SAMSN1: variants seen among roughly 807,000 people sequenced by gnomAD.
SAMSN1 encodes SAM domain, SH3 domain and nuclear localization signals 1.
In SAMSN1, 31 loss-of-function variants were observed where a neutral mutation model predicts 42.0. The ratio of observed to expected loss-of-function variants is 0.74; its 90% CI spans 0.55 to 1.00. The LOEUF is 1.00. Ranked by LOEUF, SAMSN1 falls within the 50% of genes least tolerant of loss-of-function variation. SAMSN1 has a pLI of 0.00. For synonymous variants in SAMSN1, 178 were observed against 151.9 expected (o/e 1.17, Z -1.26); for missense variants, 464 against 439.4 (o/e 1.06, Z -0.50).
chr21:14,604,072 G>A (rs1168075249), intron 5 of SAMSN1, among the ~76,000 whole-genome samples: 1 of 152,084 alleles, frequency 6.6e-6, no homozygotes, highest in Non-Finnish European at 1.5e-5. Flanking sequence ...TTAAGGGCTG[G>A]GACTAAATTA....
intron 1 of SAMSN1, among the ~76,000 whole-genome samples, chr21:14,643,888 G>A (rs572818256): frequency 7.2e-5 from 11 of 152,260 alleles, no homozygotes; most frequent in Middle Eastern, 3.4e-3. Context: ...GCCATCGTGC[G>A]GCATTGAACT....
Position 14,582,524 on chromosome 21 carries a change from A to T in SAMSN1, c.-92-36T>A, listed in dbSNP as rs147652215. 1.1e-4 allele frequency: 80 copies of T among 750,566 alleles called. No homozygotes were observed. The East Asian group carries it at 2.0e-3, about 19-fold the overall frequency. The allele number at this position is 750,566 out of a possible 1,614,324, so 46.5% of individuals were successfully genotyped here. ...AAGAAATAGGTTAAAAACTATGATTATAATTCTTCACATATAGGAATTATT... is the reference window on the plus strand; with the variant it reads ...AAGAAATAGGTTAAAAACTATGATTTTAATTCTTCACATATAGGAATTATT... On this transcript the variant is annotated intron_variant, in intron 1 of 8. Transcript: ENST00000285670.
chr21:14,593,242 T>C (rs185486940), intron 7 of SAMSN1, among the ~76,000 whole-genome samples: 210 of 152,140 alleles, frequency 1.4e-3, no homozygotes, highest in Non-Finnish European at 2.0e-3. Context: ...TTACTAAGAG[T>C]AGTTATTTCT....
chr21:14,655,453 C>T (rs1347725772), intron 1 of SAMSN1, among the ~76,000 whole-genome samples: 2 of 151,492 alleles, frequency 1.3e-5, no homozygotes, highest in Non-Finnish European at 3.0e-5. Flanking sequence ...AAAATATCAA[C>T]AAAATCAAAT....
intron 6 of SAMSN1, among the ~76,000 whole-genome samples, chr21:14,596,482 C>T (rs1407861833): frequency 6.6e-6 from 1 of 152,188 alleles, no homozygotes; most frequent in Non-Finnish European, 1.5e-5. Context: ...GAACCTAAGA[C>T]TGCCCCTCAC....
At chr21:14,528,614 C>A (rs896843316) in intron 1 of SAMSN1, among the ~76,000 whole-genome samples, 1 of 152,240 alleles carries the variant, frequency 6.6e-6, no homozygotes, top group Non-Finnish European at 1.5e-5. Flanking sequence ...AAATGTAACA[C>A]ACCACAAATG....
At chr21:14,518,276 G>A (rs929991905) in intron 2 of SAMSN1, among the ~76,000 whole-genome samples, 2 of 152,158 alleles carry the variant, frequency 1.3e-5, no homozygotes, top group African/African-American at 4.8e-5. Context: ...AACATTACCC[G>A]ATAATATGTT....
At chr21:14,572,394 G>C (rs1981328402) in intron 2 of SAMSN1, among the ~76,000 whole-genome samples, 1 of 152,128 alleles carries the variant, frequency 6.6e-6, no homozygotes, top group African/African-American at 2.4e-5. Context: ...TGAAGTCCAG[G>C]CTTATTTGAC....
chr21:14,519,818 A>G (rs56185490), intron 2 of SAMSN1, among the ~76,000 whole-genome samples: 10,105 of 152,134 alleles, frequency 0.066, 454 homozygotes, highest in South Asian at 0.13. Flanking sequence ...CAGTATTTTC[A>G]GTTTTCTTAG....
At chr21:14,623,465 G>A (rs1349308691) in intron 2 of SAMSN1, among the ~76,000 whole-genome samples, 4 of 152,076 alleles carry the variant, frequency 2.6e-5, no homozygotes, top group African/African-American at 4.8e-5. Flanking sequence ...AAAAAGGCAG[G>A]GGTTGCAATC....
At chr21:14,641,735 A>G (rs1191899541) in intron 2 of SAMSN1, among the ~76,000 whole-genome samples, 13 of 152,212 alleles carry the variant, frequency 8.5e-5, no homozygotes. Context: ...TGTAGTAGAC[A>G]TAGGCTGGTT....
chr21:14,522,721 T>C (rs919508628), intron 1 of SAMSN1, among the ~76,000 whole-genome samples: 1 of 152,196 alleles, frequency 6.6e-6, no homozygotes, highest in Non-Finnish European at 1.5e-5. Flanking sequence ...TGGTAAACAC[T>C]GAAACAAATG....
intron 2 of SAMSN1, among the ~76,000 whole-genome samples, chr21:14,554,370 G>A (rs940050522): frequency 1.3e-5 from 2 of 152,066 alleles, no homozygotes; most frequent in Non-Finnish European, 2.9e-5. Flanking sequence ...CACTATTATG[G>A]TGTTGTTGGA....
intron 5 of SAMSN1, 56 bp downstream of exon 5, chr21:14,510,254 T>C: frequency 6.5e-7 from 1 of 1,532,480 alleles, no homozygotes; most frequent in Non-Finnish European, 9.0e-7. Context: ...CTGAAACAGA[T>C]CATATAATCA....
intron 1 of SAMSN1, among the ~76,000 whole-genome samples, chr21:14,582,836 A>G (rs935479871): frequency 6.7e-6 from 1 of 148,410 alleles, no homozygotes; most frequent in Non-Finnish European, 1.5e-5. Context: ...CTATTCTTAA[A>G]TATTTTTTTA....
chr21:14,487,884 G>T (rs1986504920), intron 7 of SAMSN1, among the ~76,000 whole-genome samples: 1 of 151,966 alleles, frequency 6.6e-6, no homozygotes, highest in African/African-American at 2.4e-5. Flanking sequence ...TTAAATTTTA[G>T]CTACCATGGA....
At chr21:14,558,279 A>G (rs1980826238) in intron 2 of SAMSN1, among the ~76,000 whole-genome samples, 1 of 152,112 alleles carries the variant, frequency 6.6e-6, no homozygotes, top group Non-Finnish European at 1.5e-5. Context: ...GTACCCCTCA[A>G]AACTCAAAAG....
intron 1 of SAMSN1, among the ~76,000 whole-genome samples, chr21:14,645,470 C>T (rs1983695874): frequency 1.3e-5 from 2 of 152,340 alleles, no homozygotes; most frequent in South Asian, 4.1e-4. Context: ...GGGATATCCC[C>T]TAAAGCAGAT....
At chr21:14,552,047 T>C (rs964740544) in intron 2 of SAMSN1, among the ~76,000 whole-genome samples, 1 of 152,030 alleles carries the variant, frequency 6.6e-6, no homozygotes, top group African/African-American at 2.4e-5. Context: ...AGAGAGTTGG[T>C]TCAATCATTA....
Sources: allele counts gnomAD v4.1 joint callset (sites outside exome capture counted in the v4.1 genomes callset), GRCh38; gene constraint gnomAD v4.1.1; transcripts MANE v1.5; gene names NCBI Gene and HGNC (gene_info 2026-07-23, HGNC 2026-07-21).